Variants in BMI1 observed in about 807,000 individuals in gnomAD.
BMI1 encodes the protein polycomb complex protein BMI-1.
A neutral mutation model predicts 39.1 loss-of-function variants in BMI1; 9 were observed. That is an observed-to-expected ratio of 0.23 (90% confidence interval 0.14 to 0.40). The LOEUF (loss-of-function observed/expected upper bound fraction) is 0.40. BMI1 is among the 10% of genes least tolerant of loss of function. The pLI, the probability that BMI1 is intolerant of heterozygous loss-of-function variation, is 1.00. For missense variants in BMI1, 252 were observed against 390.8 expected (o/e 0.64, Z 2.99); for synonymous variants, 131 against 127.9 (o/e 1.02, Z -0.16).
chr10:22,328,990 CAA>C (rs1312246998), intron 8 of BMI1, 56 bp from the exon 9 acceptor site: 1 of 1,490,774 alleles, frequency 6.7e-7, no homozygotes, highest in Non-Finnish European at 9.1e-7. Context: ...ATTTAAATGA[CAA>C]AAAATGTACA....
At chr10:22,327,532 C>T (rs1021376536) in intron 3 of BMI1, 63 bp from the exon 4 acceptor site, 3 of 1,466,634 alleles carry the variant, frequency 2.0e-6, no homozygotes, top group Admixed American at 2.1e-5. Context: ...ACTATAGAAA[C>T]TTATGAACAT....
rs1836214487 is a variant in BMI1 at position 22,328,621 on chromosome 10, C to A, written c.493C>A (p.Arg165=). 3.7e-6 allele frequency: 6 copies of A among 1,604,746 alleles called. No individual in the cohort carries two copies. In the African/African-American group the frequency reaches 5.4e-5, roughly 14 times the overall value. Residue 165 remains arginine (R), a synonymous_variant, in exon 8 of 10, where the codon CGA becomes AGA. Coordinates refer to ENST00000376663, the MANE Select transcript of BMI1 (RefSeq NM_005180.9). ...KEEVNDKRYL[R]CPAAMTVMHL... is the part of the protein sequence containing the mutation. ...TTAGGTGAATGATAAAAGATACTTA[C>A]GATGCCCAGCAGCAATGACTGTGAT...
chr10:22,328,263 A>G, intron 7 of BMI1, 84 bp downstream of exon 7: 2 of 1,455,364 alleles, frequency 1.4e-6, no homozygotes, highest in South Asian at 1.4e-5. Context: ...CCTTTAGAAT[A>G]TTAGGCTGTT....
At chr10:22,326,633 T>C (rs1274734232) in intron 2 of BMI1, 72 bp downstream of exon 2, 1 of 1,568,176 alleles carries the variant, frequency 6.4e-7, no homozygotes, top group Non-Finnish European at 8.6e-7. Flanking sequence ...TGAAAACTGT[T>C]AATGATTCCT....
rs1836255438 is a variant in BMI1 at position 22,330,260 on chromosome 10, A to T, written c.*718A>T. On this transcript the variant is annotated 3_prime_UTR_variant, in exon 10 of 10. Transcript: ENST00000376663. Reference sequence around the variant, plus strand: ...ATATTGGTATATGACATAACAGGAAACAGTATTGTATGATATATTTATAAA... The same window carrying T: ...ATATTGGTATATGACATAACAGGAATCAGTATTGTATGATATATTTATAAA... 6.5e-6 allele frequency: 1 copy of T among 152,684 alleles called. No individual in the cohort carries two copies. The highest frequency in any genetic ancestry group is 2.4e-5 in the African/African-American group (1 of 41,462). 9.5% of individuals were successfully genotyped at this position (152,684 alleles called of 1,614,324 possible).
At chr10:22,325,638 C>A (rs1404976235) in intron 1 of BMI1, 1 of 146,590 alleles carries the variant, frequency 6.8e-6, no homozygotes, top group Non-Finnish European at 1.5e-5. Context: ...CGCCCGCCCG[C>A]CCGCCCGCCG....
Position 22,331,286 on chromosome 10 carries a change from A to G in BMI1, c.*1744A>G, listed in dbSNP as rs182512482. The G allele has an allele frequency of 6.5e-4, 99 of 152,398 alleles. No individual in the cohort carries two copies. Among genetic ancestry groups the G allele is most frequent in the African/African-American group, 2.3e-3 (95 of 41,574 alleles). The allele number at this position is 152,398 out of a possible 1,614,324, so 9.4% of individuals were successfully genotyped here. On this transcript the variant is annotated 3_prime_UTR_variant, in exon 10 of 10. Transcript: ENST00000376663. ...AGCTAAGATCTTTAATAAAAATTTG[A>G]TATGAAAAGCACAATGTGCAGAAGT... is the stretch of plus-strand genomic sequence containing the variant.
At chr10:22,324,481 C>T (rs1462797267) in intron 1 of BMI1, among the ~76,000 whole-genome samples, 3 of 152,174 alleles carry the variant, frequency 2.0e-5, no homozygotes, top group African/African-American at 7.2e-5. Context: ...ACAAGTAATC[C>T]AGAGATAACT....
At position 22,328,037 on chromosome 10, in the gene BMI1, T is replaced by C; in HGVS notation, c.404T>C (p.Ile135Thr). 1 of 1,607,402 alleles carries C rather than the reference T, an allele frequency of 6.2e-7. No individual in the cohort carries two copies. Among genetic ancestry groups the C allele is most frequent in the Non-Finnish European group, 8.5e-7 (1 of 1,178,018 alleles). The change falls in exon 6 of 10, where the codon ATT becomes ACT. Residue 135 changes from isoleucine (I) to threonine (T), a missense_variant. Transcript: ENST00000376663. ...GATGATGAGATAATAAGCTTATCCA[T>C]TGAATTCTTTGACCAGAACAGGTAA... ...ITDDEIISLS[I>T]EFFDQNRLDR...
chr10:22,328,711 A>G lies in BMI1; in HGVS notation c.570+13A>G. On this transcript the variant is annotated intron_variant, in intron 8 of 9. Coordinates refer to ENST00000376663, the MANE Select transcript of BMI1 (RefSeq NM_005180.9). ...TAATACTTTCCAGGTATCTACTTTT[A>G]TATTCTTCTTGCATTTTACATAGAT... The G allele has an allele frequency of 6.5e-7, 1 of 1,550,152 alleles. No individual in the cohort carries two copies. Among genetic ancestry groups the G allele is most frequent in the Non-Finnish European group, 8.7e-7 (1 of 1,154,416 alleles).
intron 1 of BMI1, 148 bp from the exon 2 acceptor site, chr10:22,326,283 G>C: frequency 9.4e-7 from 1 of 1,066,938 alleles, no homozygotes; most frequent in Non-Finnish European, 1.3e-6. Flanking sequence ...CCGATCTGAT[G>C]AGTAAATTCC....
chr10:22,329,481 CTT>C lies in BMI1; in HGVS notation c.923_924del (p.Phe308CysfsTer3), dbSNP rs769364356. The C allele has an allele frequency of 3.7e-6, 6 of 1,614,092 alleles. No individual in the cohort carries two copies. The Admixed American group carries it at 1.0e-4, about 27-fold the overall frequency. On this transcript the variant is annotated frameshift_variant, in exon 10 of 10. Coordinates refer to ENST00000376663, the MANE Select transcript of BMI1 (RefSeq NM_005180.9). LOFTEE classifies it high-confidence loss of function. ...AGCCCCAGCGGTAACCACCAATCTT[CTT>C]TTGCCAATAGACCTCGAAAATCATC...
chr10:22,326,882 A>G lies in BMI1; in HGVS notation c.113-8A>G, dbSNP rs367549819. On this transcript the variant is annotated splice_region_variant and splice_polypyrimidine_tract_variant and intron_variant, in intron 2 of 9. Coordinates refer to ENST00000376663, the MANE Select transcript of BMI1 (RefSeq NM_005180.9). ...AACATAAAAAAACTTCACATGTTCT[A>G]CTTCTAGTCTGTAAAACGTGTATTG... 1 of 1,612,736 alleles carries G rather than the reference A, an allele frequency of 6.2e-7. No individual in the cohort carries two copies.
chr10:22,328,168 T>G lies in BMI1; in HGVS notation c.460T>G (p.Ser154Ala). 6.3e-7 allele frequency: 1 copy of G among 1,599,662 alleles called. No individual in the cohort carries two copies. The highest frequency in any genetic ancestry group is 1.1e-5 in the South Asian group (1 of 87,424). The change falls in exon 7 of 10, where the codon TCT becomes GCT. Residue 154 changes from serine (S) to alanine (A), a missense_variant. Ser to Ala is a moderately conservative substitution (Grantham distance 99, BLOSUM62 1). This residue lies in a region of BMI1 where 67 missense variants were observed against 69.9 expected (regional missense o/e 0.96). Transcript: ENST00000376663. Reference protein sequence around the residue: ...DRKVNKDKEKSKEEVNDKRYL... With the variant: ...DRKVNKDKEKAKEEVNDKRYL... ...GAAAGTAAACAAAGACAAAGAGAAA[T>G]CTAAGGAGGAGGTATGTTTCATGTT...
chr10:22,329,423 C>T lies in BMI1; in HGVS notation c.862C>T (p.His288Tyr). The T allele has an allele frequency of 1.2e-6, 2 of 1,614,190 alleles. No homozygotes were observed. Among genetic ancestry groups the T allele is most frequent in the Non-Finnish European group, 1.7e-6 (2 of 1,180,032 alleles). Residue 288 changes from histidine (H) to tyrosine (Y), a missense_variant, in exon 10 of 10, where the codon CAC becomes TAC. By Grantham distance (83) the His-to-Tyr change is moderately conservative. Around this residue, in one of 4 missense-constraint regions of BMI1, gnomAD observed 96 missense variants for 120.2 expected, o/e 0.80. Coordinates refer to ENST00000376663, the MANE Select transcript of BMI1 (RefSeq NM_005180.9). ...PVQSPHPQFP[H>Y]ISSTMNGTSN... is the part of the protein sequence containing the mutation. Reference sequence around the variant, plus strand: ...GCAGTCTCCTCATCCACAGTTTCCTCACATTTCCAGTACTATGAATGGAAC... The same window carrying T: ...GCAGTCTCCTCATCCACAGTTTCCTTACATTTCCAGTACTATGAATGGAAC...
chr10:22,325,678 G>C (rs1201639183), intron 1 of BMI1: 1 of 149,098 alleles, frequency 6.7e-6, no homozygotes, highest in African/African-American at 2.4e-5. Flanking sequence ...CTCGGGGCTC[G>C]GGCCGGGCTC....
chr10:22,327,470 AAT>A, intron 3 of BMI1, 123 bp from the exon 4 acceptor site: 1 of 956,890 alleles, frequency 1.0e-6, no homozygotes, highest in South Asian at 2.0e-5. Flanking sequence ...TCTTATCAAT[AAT>A]AGTTATAGAC....
intron 3 of BMI1, 112 bp from the exon 4 acceptor site, chr10:22,327,483 A>G (rs1836185656): frequency 1.8e-6 from 2 of 1,085,644 alleles, no homozygotes; most frequent in Non-Finnish European, 2.6e-6. Context: ...AGTTATAGAC[A>G]GCATCACAAT....
intron 1 of BMI1, chr10:22,325,673 G>A (rs1814720080): frequency 6.7e-6 from 1 of 149,086 alleles, no homozygotes; most frequent in African/African-American, 2.4e-5. Context: ...CGAGGCTCGG[G>A]GCTCGGGCCG....
Sources: gnomAD v4.1 joint callset for allele counts (sites outside exome capture counted in the v4.1 genomes callset) on GRCh38, gnomAD v4.1.1 for gene constraint, gnomAD v4.1.1 regional missense constraint, MANE v1.5 for transcripts, NCBI Gene and HGNC (gene_info 2026-07-23, HGNC 2026-07-21) for gene names.